The following WDR37 variants were observed in gnomAD, a reference collection of about 807,000 sequenced individuals.
WDR37 encodes the protein WD repeat domain 37.
In WDR37, 19 loss-of-function variants were observed where a neutral mutation model predicts 62.9. The observed-to-expected ratio is 0.30, with a 90% CI of 0.21 to 0.44. The LOEUF is 0.44. Ranked by LOEUF, WDR37 falls within the 20% of genes least tolerant of loss-of-function variation. WDR37 has a pLI of 1.00. For synonymous variants in WDR37, 250 were observed against 260.9 expected (o/e 0.96, Z 0.40); for missense variants, 474 against 657.6 (o/e 0.72, Z 3.05).
intron 5 of WDR37, among the ~76,000 whole-genome samples, chr10:1,083,793 GC>G (rs1834105201): frequency 6.6e-6 from 1 of 152,218 alleles, no homozygotes. Flanking sequence ...GCCTACGGCC[GC>G]GCTGCCCTGC....
At chr10:1,095,979 A>G (rs1215138744) in intron 8 of WDR37, among the ~76,000 whole-genome samples, 191 bp from the exon 9 acceptor site, 2 of 152,216 alleles carry the variant, frequency 1.3e-5, no homozygotes, top group African/African-American at 4.8e-5. Context: ...TCAATTTTGG[A>G]CATGTACTCT....
intron 5 of WDR37, among the ~76,000 whole-genome samples, chr10:1,084,045 G>C (rs915323015): frequency 6.6e-6 from 1 of 152,180 alleles, no homozygotes. Flanking sequence ...GCTAGCTAAC[G>C]ATTTGTTTAA....
chr10:1,128,552 C>A (rs1402988344), intron 13 of WDR37, among the ~76,000 whole-genome samples: 2 of 152,152 alleles, frequency 1.3e-5, no homozygotes, highest in Non-Finnish European at 2.9e-5. Context: ...ATTACTGAAG[C>A]CAGTTATTTG....
intron 11 of WDR37, among the ~76,000 whole-genome samples, chr10:1,115,997 G>A (rs1241753628): frequency 6.6e-6 from 1 of 152,152 alleles, no homozygotes; most frequent in African/African-American, 2.4e-5. Context: ...TTACATTAGA[G>A]TACTTTAACA....
intron 2 of WDR37, 99 bp downstream of exon 2, chr10:1,072,392 A>G (rs1220093923): frequency 6.7e-7 from 1 of 1,484,150 alleles, no homozygotes; most frequent in Non-Finnish European, 9.2e-7. Context: ...ATCTCCGCTC[A>G]CAACCTCCAC....
chr10:1,068,064 C>T (rs889828823), intron 1 of WDR37, among the ~76,000 whole-genome samples: 8 of 151,878 alleles, frequency 5.3e-5, no homozygotes, highest in South Asian at 2.1e-4. Context: ...TAATAGAGAC[C>T]GGGAAGGGTG....
At chr10:1,112,338 G>A (rs959751831) in intron 11 of WDR37, among the ~76,000 whole-genome samples, 11 of 152,202 alleles carry the variant, frequency 7.2e-5, no homozygotes, top group Non-Finnish European at 1.2e-4. Context: ...GAACTTAGTC[G>A]ATAAATCGTG....
intron 7 of WDR37, among the ~76,000 whole-genome samples, chr10:1,092,870 CACAAAAAAAAAA>C (rs1268318899): frequency 1.5e-4 from 7 of 47,474 alleles, no homozygotes; most frequent in Non-Finnish European, 1.9e-4. Flanking sequence ...GACCCTATCT[CACAAAAAAAAAA>C]AAAAAAAAAA....
chr10:1,103,947 C>G lies in WDR37; in HGVS notation c.961+111C>G. 1 of 1,052,624 alleles carries G rather than the reference C, an allele frequency of 9.5e-7. No individual in the cohort carries two copies. The highest frequency in any genetic ancestry group is 1.4e-6 in the Non-Finnish European group (1 of 730,946). 65.2% of individuals were successfully genotyped at this position (1,052,624 alleles called of 1,614,324 possible). A position where few individuals can be genotyped will look rare whatever the true frequency, so the allele number is the denominator to read the frequency against. The stretch of plus-strand genomic sequence containing the variant: ...CTTGACCAGAATGAGTCTCTGTGTT[C>G]TTGGCTCTTCTGTGGTAATTTTTGG... On this transcript the variant is annotated intron_variant, in intron 10 of 13. Transcript: ENST00000263150. The surrounding 1 kb of genome is among the most constrained non-coding windows in gnomAD (Gnocchi z 6.3).
At chr10:1,095,618 G>T (rs1834549432) in intron 8 of WDR37, among the ~76,000 whole-genome samples, 1 of 152,186 alleles carries the variant, frequency 6.6e-6, no homozygotes, top group Non-Finnish European at 1.5e-5. Flanking sequence ...TGGTGTCCGA[G>T]GCCTGTTCTG....
chr10:1,119,769 CGG>C (rs1554825997), intron 11 of WDR37, among the ~76,000 whole-genome samples: 1 of 152,228 alleles, frequency 6.6e-6, no homozygotes, highest in Non-Finnish European at 1.5e-5. Flanking sequence ...TGACGAGGAG[CGG>C]GGCCTGCACA....
intron 3 of WDR37, 30 bp downstream of exon 3, chr10:1,078,033 A>G: frequency 2.0e-6 from 3 of 1,524,532 alleles, no homozygotes; most frequent in South Asian, 2.3e-5. Flanking sequence ...ATATACTTTT[A>G]TAGCTTTACC....
chr10:1,090,061 C>T (rs901859263), intron 7 of WDR37, among the ~76,000 whole-genome samples: 17 of 152,230 alleles, frequency 1.1e-4, no homozygotes, highest in South Asian at 2.1e-4. Flanking sequence ...CCGCCTCCCA[C>T]GTTGAAACGA....
At chr10:1,117,034 T>C (rs530202628) in intron 11 of WDR37, among the ~76,000 whole-genome samples, 1 of 152,198 alleles carries the variant, frequency 6.6e-6, no homozygotes, top group East Asian at 1.9e-4. Context: ...CAGTCCCTTG[T>C]TGATGCATGT....
chr10:1,114,870 G>A (rs1835338792), intron 11 of WDR37, among the ~76,000 whole-genome samples: 2 of 152,198 alleles, frequency 1.3e-5, no homozygotes, highest in Admixed American at 6.5e-5. Context: ...CCATTCCAGC[G>A]TGGGCCCTCA....
chr10:1,079,380 C>T (rs989072513), intron 3 of WDR37, among the ~76,000 whole-genome samples: 13 of 150,650 alleles, frequency 8.6e-5, no homozygotes, highest in African/African-American at 3.2e-4. Flanking sequence ...ATACTGTGCC[C>T]AGCCCAGAAT....
rs890178352 is a variant in WDR37 at position 1,086,369 on chromosome 10, C to T, written c.604+12C>T. On this transcript the variant is annotated intron_variant, in intron 7 of 13. Transcript: ENST00000263150. ...CCACGTGGGCTCAGGTAAGCACTGCCTAAGGAGTGCCGTAGCCAGAGGCCG... is the reference window on the plus strand; with the variant it reads ...CCACGTGGGCTCAGGTAAGCACTGCTTAAGGAGTGCCGTAGCCAGAGGCCG... 3 of 1,609,842 alleles carry T rather than the reference C, an allele frequency of 1.9e-6. No individual in the cohort carries two copies. Among genetic ancestry groups the T allele is most frequent in the East Asian group, 4.5e-5 (2 of 44,878 alleles).
At chr10:1,072,078 G>T (rs1276258387) in intron 1 of WDR37, 38 bp from the exon 2 acceptor site, 4 of 1,512,518 alleles carry the variant, frequency 2.6e-6, no homozygotes, top group Non-Finnish European at 3.6e-6. Flanking sequence ...GTTTCAACTC[G>T]CTGTATCAGA....
chr10:1,126,218 A>T (rs556608192), intron 13 of WDR37, among the ~76,000 whole-genome samples: 2 of 152,194 alleles, frequency 1.3e-5, no homozygotes, highest in African/African-American at 4.8e-5. Context: ...ATCCTGACTA[A>T]CACGGTGAAA....
Sources: allele counts gnomAD v4.1 joint callset (sites outside exome capture counted in the v4.1 genomes callset), GRCh38; gene constraint gnomAD v4.1.1; non-coding constraint Gnocchi (gnomAD v3.1); transcripts MANE v1.5; gene names NCBI Gene and HGNC (gene_info 2026-07-23, HGNC 2026-07-21).